The following ANKMY1 variants were observed in gnomAD, a reference collection of about 807,000 sequenced individuals.
The protein encoded by ANKMY1 is ankyrin repeat and MYND domain-containing protein 1.
In ANKMY1, 98 loss-of-function variants were observed where a neutral mutation model predicts 102.0. The observed-to-expected ratio is 0.96, with a 90% CI of 0.82 to 1.14. The LOEUF (loss-of-function observed/expected upper bound fraction) is 1.14, where lower values mean the gene tolerates loss of function less well. ANKMY1 is among the 50% of genes most tolerant of loss of function. ANKMY1 has a pLI of 0.00. For missense variants in ANKMY1, 1,330 were observed against 1,347.6 expected (o/e 0.99, Z 0.20); for synonymous variants, 582 against 559.9 (o/e 1.04, Z -0.56).
intron 11 of ANKMY1, among the ~76,000 whole-genome samples, chr2:240,509,782 C>T (rs998796494): frequency 3.3e-5 from 5 of 152,120 alleles, no homozygotes; most frequent in African/African-American, 9.7e-5. Context: ...CACATGACCA[C>T]GTGGCAGGTC....
chr2:240,521,729 A>C (rs2082322523), intron 8 of ANKMY1, among the ~76,000 whole-genome samples: 1 of 151,676 alleles, frequency 6.6e-6, no homozygotes, highest in Non-Finnish European at 1.5e-5. Context: ...CCATCTCCTG[A>C]CCTCGTGATC....
intron 10 of ANKMY1, 119 bp downstream of exon 10, chr2:240,512,683 A>G (rs2152228483): frequency 1.5e-6 from 2 of 1,332,036 alleles, no homozygotes; most frequent in Non-Finnish European, 2.0e-6. Flanking sequence ...TCCACTGCCC[A>G]GGCCCCAAGC....
At chr2:240,469,074 T>G in the ANKMY1 span, among the ~76,000 whole-genome samples, 39 of 152,036 alleles carry the variant, frequency 2.6e-4, no homozygotes, top group African/African-American at 8.7e-4. Context: ...AGGGGACAGG[T>G]GAGCAGCCAG....
chr2:240,532,835 G>C (rs1400515956), intron 4 of ANKMY1, among the ~76,000 whole-genome samples: 3 of 152,164 alleles, frequency 2.0e-5, no homozygotes, highest in African/African-American at 7.2e-5. Flanking sequence ...CTCCTGAGTA[G>C]CTAGGACTAC....
Position 240,555,011 on chromosome 2 carries a change from C to T in ANKMY1, c.191G>A (p.Gly64Asp), listed in dbSNP as rs780137897. 6.2e-7 allele frequency: 1 copy of T among 1,614,158 alleles called. No individual in the cohort carries two copies. The highest frequency in any genetic ancestry group is 2.2e-5 in the East Asian group (1 of 44,890). ...CCTCAGGTCCTGCGCCCTCAGCGGG[C>T]CCTCAGCTTCCTCCTCTTCCTTCTC... ...APEKEEEEAE[G>D]PLRAQDLRES... The change falls in exon 3 of 18, where the codon GGC becomes GAC. Residue 64 changes from glycine (G) to aspartate (D), a missense_variant. Gly to Asp is a moderately conservative substitution (Grantham distance 94). Transcript: ENST00000401804.
the ANKMY1 span, among the ~76,000 whole-genome samples, chr2:240,471,194 G>A: frequency 6.6e-6 from 1 of 151,790 alleles, no homozygotes; most frequent in South Asian, 2.1e-4. Flanking sequence ...TAGAGGGTTT[G>A]TCCACAGTGA....
chr2:240,555,088 G>A (rs757689837), intron 2 of ANKMY1, 33 bp from the exon 3 acceptor site: 3 of 1,609,264 alleles, frequency 1.9e-6, no homozygotes, highest in Non-Finnish European at 2.5e-6. Flanking sequence ...AGGGAAGAGT[G>A]AAGTGGCTGC....
At chr2:240,494,790 G>A (rs922638736) in intron 15 of ANKMY1, among the ~76,000 whole-genome samples, 6 of 152,106 alleles carry the variant, frequency 3.9e-5, no homozygotes, top group Non-Finnish European at 2.9e-5. Flanking sequence ...TGATTCCATG[G>A]TGAGGAAGTG....
downstream of ANKMY1, among the ~76,000 whole-genome samples, chr2:240,478,444 C>T (rs1394537978): frequency 6.6e-6 from 1 of 152,172 alleles, no homozygotes; most frequent in African/African-American, 2.4e-5. Context: ...TGCCTACACC[C>T]ACCCAGCATC....
At chr2:240,559,374 TCTC>T (rs1172978133), upstream of ANKMY1, among the ~76,000 whole-genome samples, 5 of 152,294 alleles carry the variant, frequency 3.3e-5, no homozygotes, top group East Asian at 5.8e-4. Flanking sequence ...GGCTCTCCCA[TCTC>T]CTCTGCTTTC....
chr2:240,533,286 A>C (rs1482095879), intron 4 of ANKMY1, among the ~76,000 whole-genome samples: 1 of 152,202 alleles, frequency 6.6e-6, no homozygotes, highest in Admixed American at 6.5e-5. Context: ...GAAGAAATGT[A>C]TAACAGGTGG....
upstream of ANKMY1, among the ~76,000 whole-genome samples, chr2:240,559,308 G>A (rs773133079): frequency 1.3e-5 from 2 of 152,164 alleles, no homozygotes; most frequent in Non-Finnish European, 2.9e-5. Flanking sequence ...GAGGAGGAGG[G>A]ACTTCAGGTT....
chr2:240,515,217 T>A (rs1282965701), intron 9 of ANKMY1, among the ~76,000 whole-genome samples: 2 of 152,196 alleles, frequency 1.3e-5, no homozygotes, highest in Non-Finnish European at 2.9e-5. Flanking sequence ...AATAGGGTTT[T>A]CTTTGAGATC....
At chr2:240,493,391 C>T (rs1347409727) in intron 15 of ANKMY1, among the ~76,000 whole-genome samples, 1 of 152,076 alleles carries the variant, frequency 6.6e-6, no homozygotes, top group Non-Finnish European at 1.5e-5. Flanking sequence ...TTGAAGGTGT[C>T]ATATTTCCTT....
chr2:240,542,250 G>A (rs1017672444), intron 4 of ANKMY1, among the ~76,000 whole-genome samples: 2 of 151,212 alleles, frequency 1.3e-5, no homozygotes, highest in Non-Finnish European at 2.9e-5. Flanking sequence ...GCTCATGCCT[G>A]TAATCTCAGC....
intron 7 of ANKMY1, 34 bp downstream of exon 7, chr2:240,525,651 C>T: frequency 1.2e-6 from 2 of 1,605,960 alleles, no homozygotes; most frequent in Non-Finnish European, 1.7e-6. Flanking sequence ...CTACAGGAGA[C>T]AGTTGGTGGT....
rs772096183 is a variant in ANKMY1 at position 240,480,929 on chromosome 2, C to T, written c.3046+8G>A. 9.4e-6 allele frequency: 15 copies of T among 1,602,622 alleles called. No homozygotes were observed. Among genetic ancestry groups the T allele is most frequent in the South Asian group, 2.2e-5 (2 of 90,790 alleles). On this transcript the variant is annotated splice_region_variant and intron_variant, in intron 17 of 17. Coordinates refer to ENST00000401804, the MANE Select transcript of ANKMY1 (RefSeq NM_001282771.3). ...AACCCTTGCCTCCCAGCCTGAGGGC[C>T]GACCTACCGATGGCCACCAGGTCCC...
chr2:240,525,789 A>G lies in ANKMY1; in HGVS notation c.1231T>C (p.Cys411Arg). The G allele has an allele frequency of 6.2e-7, 1 of 1,614,112 alleles. No homozygotes were observed. The highest frequency in any genetic ancestry group is 8.5e-7 in the Non-Finnish European group (1 of 1,180,002). The change falls in exon 7 of 18, where the codon TGC (cysteine) becomes CGC (arginine). Residue 411 changes from cysteine (C) to arginine (R), a missense_variant. Coordinates refer to ENST00000401804, the MANE Select transcript of ANKMY1 (RefSeq NM_001282771.3). ...LLDCGADVNK[C>R]SDEGLTALSM... is the part of the protein sequence containing the mutation. ...AGTGCCGTGAGACCCTCATCTGAGC[A>G]CTTGTTCACGTCGGCCCCACAGTCC...
chr2:240,557,893 G>A lies in ANKMY1; in HGVS notation c.-30C>T, dbSNP rs1310015807. The A allele has an allele frequency of 2.5e-5, 25 of 985,568 alleles. No individual in the cohort carries two copies. Among genetic ancestry groups the A allele is most frequent in the Non-Finnish European group, 3.0e-5 (25 of 830,036 alleles). 61.1% of individuals were successfully genotyped at this position (985,568 alleles called of 1,614,324 possible). A position where few individuals can be genotyped will look rare whatever the true frequency, so the allele number is the denominator to read the frequency against. On this transcript the variant is annotated 5_prime_UTR_variant, in exon 1 of 18. Transcript: ENST00000401804. Reference sequence around the variant, plus strand: ...CGCGAGACCGCACCAAGCAAGACTCGAAGAGCTCGCGCCGGACAGCAGGGA... The same window carrying A: ...CGCGAGACCGCACCAAGCAAGACTCAAAGAGCTCGCGCCGGACAGCAGGGA...
Sources: allele counts gnomAD v4.1 joint callset (sites outside exome capture counted in the v4.1 genomes callset), GRCh38; gene constraint gnomAD v4.1.1; transcripts MANE v1.5; gene names NCBI Gene and HGNC (gene_info 2026-07-23, HGNC 2026-07-21).